The following TCF7L1 variants were observed in gnomAD, a reference collection of about 807,000 sequenced individuals.
TCF7L1 encodes transcription factor 7 like 1.
In TCF7L1, 18 loss-of-function variants were observed where a neutral mutation model predicts 63.7. That is an observed-to-expected ratio of 0.28 (90% CI 0.20 to 0.42). The LOEUF (loss-of-function observed/expected upper bound fraction) is 0.42. Among genes scored for constraint, TCF7L1 ranks in the 10% least tolerant of loss-of-function variants. The pLI, the probability that TCF7L1 is intolerant of heterozygous loss-of-function variation, is 1.00. For synonymous variants in TCF7L1, 355 were observed against 340.9 expected (o/e 1.04, Z -0.46); for missense variants, 654 against 779.3 (o/e 0.84, Z 1.91).
intron 3 of TCF7L1, among the ~76,000 whole-genome samples, chr2:85,265,683 A>C (rs758427842): frequency 6.6e-6 from 1 of 152,174 alleles, no homozygotes; most frequent in African/African-American, 2.4e-5. Flanking sequence ...GAAGGTTGTC[A>C]GGGGCAAGAC....
intron 3 of TCF7L1, among the ~76,000 whole-genome samples, chr2:85,264,546 A>G (rs1443675264): frequency 6.6e-6 from 1 of 152,190 alleles, no homozygotes; most frequent in Non-Finnish European, 1.5e-5. Context: ...ATCACCACCC[A>G]GTCTCGGTCC....
chr2:85,277,147 A>G (rs987035278), intron 3 of TCF7L1, among the ~76,000 whole-genome samples: 10 of 152,076 alleles, frequency 6.6e-5, no homozygotes, highest in African/African-American at 2.4e-4. Context: ...TCTTGACCCC[A>G]GAAACCAACC....
At chr2:85,293,647 T>C (rs1045456241) in intron 4 of TCF7L1, among the ~76,000 whole-genome samples, 3 of 152,218 alleles carry the variant, frequency 2.0e-5, no homozygotes, top group African/African-American at 7.2e-5. Flanking sequence ...AAGAGAATTA[T>C]AAATAAATAG....
chr2:85,279,318 C>A (rs1349324895), intron 3 of TCF7L1, among the ~76,000 whole-genome samples: 1 of 152,102 alleles, frequency 6.6e-6, no homozygotes, highest in Non-Finnish European at 1.5e-5. Flanking sequence ...CAGCACTTTG[C>A]GAGAGCAAGG....
At chr2:85,209,242 G>T (rs1000559766) in intron 3 of TCF7L1, among the ~76,000 whole-genome samples, 2 of 152,212 alleles carry the variant, frequency 1.3e-5, no homozygotes, top group Non-Finnish European at 2.9e-5. Context: ...TGTCTCCAAT[G>T]GAGGGATCAC....
intron 3 of TCF7L1, among the ~76,000 whole-genome samples, chr2:85,185,018 C>G (rs187358715): frequency 1.3e-5 from 2 of 152,314 alleles, no homozygotes; most frequent in South Asian, 2.1e-4. Context: ...CTACCTGTGT[C>G]TTAGTTCTCT....
At chr2:85,168,234 A>T (rs11693369) in intron 3 of TCF7L1, among the ~76,000 whole-genome samples, 54,634 of 151,254 alleles carry the variant, frequency 0.36, 10,256 homozygotes, top group Middle Eastern at 0.44. Context: ...AAGGGACACA[A>T]GGAAGCTTTT....
intron 3 of TCF7L1, among the ~76,000 whole-genome samples, chr2:85,188,005 TG>T (rs1421358320): frequency 6.6e-6 from 1 of 152,134 alleles, no homozygotes; most frequent in Non-Finnish European, 1.5e-5. Context: ...CTCAAGGAAA[TG>T]ATGCTGAACG....
At chr2:85,215,912 C>G (rs1679692079) in intron 3 of TCF7L1, among the ~76,000 whole-genome samples, 1 of 152,146 alleles carries the variant, frequency 6.6e-6, no homozygotes, top group Non-Finnish European at 1.5e-5. Context: ...CAGCCAAGTT[C>G]AGCCGAAGGA....
chr2:85,169,106 G>A (rs921770651), intron 3 of TCF7L1, among the ~76,000 whole-genome samples: 13 of 152,068 alleles, frequency 8.5e-5, no homozygotes, highest in African/African-American at 2.9e-4. Flanking sequence ...AGCCACAATT[G>A]CTCCTTTTCA....
At chr2:85,203,191 A>G (rs557520895) in intron 3 of TCF7L1, among the ~76,000 whole-genome samples, 1 of 152,298 alleles carries the variant, frequency 6.6e-6, no homozygotes, top group Non-Finnish European at 1.5e-5. Flanking sequence ...TTCTCTGTTC[A>G]GTCAATTTTA....
At position 85,261,975 on chromosome 2, in the gene TCF7L1, G is replaced by A. The variant is rs180962327; in HGVS notation, c.442-21520G>A. On this transcript the variant is annotated intron_variant, in intron 3 of 11. Coordinates refer to ENST00000282111, the MANE Select transcript of TCF7L1 (RefSeq NM_031283.3). ...AACAATATGAATAAATGTTCATATT[G>A]GACAAAGGACAGCTAAAAACAAACT... Among the ~76,000 whole-genome samples the A allele has an allele frequency of 1.2e-3, 179 of 152,212 alleles. 1 individual carries two copies. The highest frequency in any genetic ancestry group is 0.01 in the Middle Eastern group (3 of 294).
At chr2:85,236,785 G>A (rs1423715190) in intron 3 of TCF7L1, among the ~76,000 whole-genome samples, 3 of 152,168 alleles carry the variant, frequency 2.0e-5, no homozygotes, top group Non-Finnish European at 2.9e-5. Flanking sequence ...TTAGAGGAGC[G>A]TCAAAAGTCT....
chr2:85,149,224 C>T (rs1677948734), intron 3 of TCF7L1, among the ~76,000 whole-genome samples: 1 of 151,322 alleles, frequency 6.6e-6, no homozygotes, highest in Non-Finnish European at 1.5e-5. Flanking sequence ...ATTACTTTAA[C>T]ATAATTGCCA....
At chr2:85,302,674 G>A in intron 5 of TCF7L1, 58 bp downstream of exon 5, 2 of 1,568,734 alleles carry the variant, frequency 1.3e-6, no homozygotes, top group South Asian at 2.3e-5. Flanking sequence ...TCTCTTTTGT[G>A]GGAACATAAC....
intron 3 of TCF7L1, among the ~76,000 whole-genome samples, chr2:85,220,940 G>A (rs956665713): frequency 2.0e-5 from 3 of 152,180 alleles, no homozygotes; most frequent in East Asian, 3.9e-4. Flanking sequence ...CCAGGCTCCT[G>A]GGAGAAGGAG....
At chr2:85,275,642 G>A (rs1375617184) in intron 3 of TCF7L1, among the ~76,000 whole-genome samples, 2 of 152,188 alleles carry the variant, frequency 1.3e-5, no homozygotes, top group Non-Finnish European at 2.9e-5. Context: ...TGTAGGCCAG[G>A]TGCGGTGGCT....
At chr2:85,226,432 G>A (rs1002705803) in intron 3 of TCF7L1, among the ~76,000 whole-genome samples, 2 of 152,150 alleles carry the variant, frequency 1.3e-5, no homozygotes, top group African/African-American at 2.4e-5. Context: ...TAAGTCAGTG[G>A]CAAGTCCCTT....
intron 4 of TCF7L1, among the ~76,000 whole-genome samples, chr2:85,297,794 A>AG (rs1287758018): frequency 6.6e-6 from 1 of 152,018 alleles, no homozygotes; most frequent in Non-Finnish European, 1.5e-5. Context: ...TCCAAAAAAA[A>AG]GTCATTTTCT....
Sources: gnomAD v4.1 joint callset for allele counts (sites outside exome capture counted in the v4.1 genomes callset) on GRCh38, gnomAD v4.1.1 for gene constraint, MANE v1.5 for transcripts, NCBI Gene and HGNC (gene_info 2026-07-23, HGNC 2026-07-21) for gene names.